The following CFAP74 variants were observed in gnomAD, a reference collection of about 807,000 sequenced individuals.
The protein encoded by CFAP74 is cilia and flagella associated protein 74.
A neutral mutation model predicts 188.9 loss-of-function variants in CFAP74; 124 were observed. That is an observed-to-expected ratio of 0.66 (90% CI 0.57 to 0.76). CFAP74 has a LOEUF of 0.76. CFAP74 is among the 30% of genes least tolerant of loss of function. CFAP74 has a pLI of 0.00. For synonymous variants in CFAP74, 956 were observed against 916.7 expected, an observed-to-expected ratio of 1.04 and a Z score of -0.77; for missense variants, 2,198 against 2,165.2, an observed-to-expected ratio of 1.02 and a Z score of -0.30.
intron 25 of CFAP74, among the ~76,000 whole-genome samples, 184 bp from the exon 26 acceptor site, chr1:1,930,520 A>C (rs1373805689): frequency 1.3e-5 from 2 of 152,186 alleles, no homozygotes; most frequent in Non-Finnish European, 2.9e-5. Flanking sequence ...ATCCTTGTGC[A>C]CATTTGAGGT....
At chr1:1,955,412 G>C in intron 18 of CFAP74, 1 of 1,439,354 alleles carries the variant, frequency 6.9e-7, no homozygotes. Flanking sequence ...CCTCTTCCCC[G>C]CCCTGTGCGG....
At chr1:1,992,002 T>C (rs1022794079) in intron 1 of CFAP74, among the ~76,000 whole-genome samples, 17 of 149,268 alleles carry the variant, frequency 1.1e-4, no homozygotes, top group South Asian at 8.4e-4. Flanking sequence ...ATCGCGCCAC[T>C]GCACTCCAGC....
In CFAP74 at chr1:1,973,097, T is replaced by C; in HGVS notation, c.675-50A>G. On this transcript the variant is annotated intron_variant, in intron 7 of 38. Transcript: ENST00000682832. This position sits in a 1 kb window ranked among gnomAD's most constrained non-coding sequence, Gnocchi z 6.2. ...GGGAAACTCGGCATCACACGTCCCA[T>C]CTGCCCCCAAGCCCTGCACGGCTGG... 7.3e-7 allele frequency: 1 copy of C among 1,372,884 alleles called. No individual in the cohort carries two copies. The highest frequency in any genetic ancestry group is 1.0e-6 in the Non-Finnish European group (1 of 974,648). 85.0% of individuals were successfully genotyped at this position (1,372,884 alleles called of 1,614,324 possible).
chr1:1,928,452 C>T (rs888889800), intron 27 of CFAP74, among the ~76,000 whole-genome samples: 3 of 152,196 alleles, frequency 2.0e-5, no homozygotes, highest in African/African-American at 7.2e-5. Flanking sequence ...CAGGACACTC[C>T]GTGTTTCAGG....
At chr1:1,940,469 A>C (rs1653291427) in intron 22 of CFAP74, 66 bp from the exon 23 acceptor site, 3 of 1,114,878 alleles carry the variant, frequency 2.7e-6, no homozygotes, top group Admixed American at 2.6e-5. Flanking sequence ...AATAAGACCC[A>C]CTGTCACTGG....
chr1:2,003,397 C>T lies in CFAP74; in HGVS notation c.-20+304G>A, dbSNP rs114293610. Among the ~76,000 whole-genome samples, 1,283 of 152,256 alleles carry T rather than the reference C, an allele frequency of 8.4e-3. 19 individuals are homozygous for T. The highest frequency in any genetic ancestry group is 0.029 in the African/African-American group (1,223 of 41,526). On this transcript the variant is annotated intron_variant, in intron 1 of 38. Coordinates refer to ENST00000682832, the MANE Select transcript of CFAP74 (RefSeq NM_001304360.2). The stretch of plus-strand genomic sequence containing the variant: ...TCCTTTTTAGCTAGGCAGACACTCA[C>T]GAGTCTTAACTGTTCACCAGACAGG...
intron 1 of CFAP74, among the ~76,000 whole-genome samples, chr1:1,993,212 A>G (rs1657698622): frequency 1.3e-5 from 2 of 151,884 alleles, no homozygotes; most frequent in African/African-American, 4.8e-5. Flanking sequence ...AAAAAAAAAA[A>G]AAAAAAGAAA....
At chr1:1,983,328 G>T (rs981589554) in intron 6 of CFAP74, among the ~76,000 whole-genome samples, 1 of 152,206 alleles carries the variant, frequency 6.6e-6, no homozygotes, top group African/African-American at 2.4e-5. Flanking sequence ...CACAAGCTAC[G>T]CATCAGTTTC....
At chr1:1,953,923 C>A (rs1219421080) in intron 18 of CFAP74, 1 of 152,198 alleles carries the variant, frequency 6.6e-6, no homozygotes, top group Non-Finnish European at 1.5e-5. Flanking sequence ...CAGCCACAGA[C>A]TCGGAGGCAG....
At chr1:1,967,449 G>A (rs1290002243) in intron 11 of CFAP74, among the ~76,000 whole-genome samples, 7 of 151,746 alleles carry the variant, frequency 4.6e-5, no homozygotes. Flanking sequence ...TGGGGGTGGG[G>A]GCAGGGGAGG....
intron 6 of CFAP74, among the ~76,000 whole-genome samples, chr1:1,983,181 A>C (rs1411467991): frequency 1.3e-5 from 2 of 152,184 alleles, no homozygotes; most frequent in African/African-American, 2.4e-5. Flanking sequence ...ACTAATAGGA[A>C]GGGATGGTGC....
rs527688006 is a variant in CFAP74 at position 2,002,202 on chromosome 1, C to T, written c.-20+1499G>A. Among the ~76,000 whole-genome samples the T allele has an allele frequency of 4.6e-5, 7 of 152,060 alleles. No homozygotes were observed. The South Asian group carries it at 1.2e-3, about 27-fold the overall frequency. ...AGGCAACTTACTCTCAAATCCTTCA[C>T]GAGAAGTTTTTTTGTGCTGAGCTTG... On this transcript the variant is annotated intron_variant, in intron 1 of 38. Transcript: ENST00000682832.
Position 1,923,569 on chromosome 1 carries a change from G to A in CFAP74, c.4390-70C>T, listed in dbSNP as rs1651568788. ...CAGGGGTCCTGCTGGTGAGAGCTGG[G>A]CTGGCTCAGGGAAGGAAGCAGGGAC... is the stretch of plus-strand genomic sequence containing the variant. On this transcript the variant is annotated intron_variant, in intron 35 of 38. Coordinates refer to ENST00000682832, the MANE Select transcript of CFAP74 (RefSeq NM_001304360.2). The surrounding 1 kb of genome is among the most constrained non-coding windows in gnomAD (Gnocchi z 6.3). 22 of 1,575,108 alleles carry A rather than the reference G, an allele frequency of 1.4e-5. 1 individual carries two copies. The South Asian group carries it at 2.3e-4, about 17-fold the overall frequency.
At chr1:1,996,549 AAT>A (rs1037066994) in intron 1 of CFAP74, among the ~76,000 whole-genome samples, 3 of 152,184 alleles carry the variant, frequency 2.0e-5, no homozygotes, top group African/African-American at 7.2e-5. Context: ...CATACGAAAA[AAT>A]AGAGAAAAAA....
intron 6 of CFAP74, chr1:1,984,059 A>G (rs1191831148): frequency 6.7e-6 from 1 of 150,016 alleles, no homozygotes; most frequent in Non-Finnish European, 1.5e-5. Context: ...CAGTGGCGCA[A>G]TCTTGGCTCA....
At chr1:1,969,107 T>G in intron 10 of CFAP74, among the ~76,000 whole-genome samples, 1 of 152,020 alleles carries the variant, frequency 6.6e-6, no homozygotes, top group Admixed American at 6.5e-5. Context: ...AAGCCAGAGG[T>G]TCCAGGCTTA....
intron 25 of CFAP74, among the ~76,000 whole-genome samples, chr1:1,937,107 T>C (rs1455980254): frequency 6.6e-6 from 1 of 152,174 alleles, no homozygotes; most frequent in Non-Finnish European, 1.5e-5. Context: ...ACTCCACGTG[T>C]GCCTCAGAGA....
At chr1:1,947,687 G>C (rs141100061) in intron 18 of CFAP74, among the ~76,000 whole-genome samples, 1 of 152,230 alleles carries the variant, frequency 6.6e-6, no homozygotes, top group African/African-American at 2.4e-5. Context: ...CGTGCTGCCC[G>C]GTCGGGTCAG....
At position 1,964,913 on chromosome 1, in the gene CFAP74, C is replaced by T; in HGVS notation, c.1550G>A (p.Ser517Asn). ...GREFQGRPFN[S>N]KPELLHFQDF... Reference sequence around the variant, plus strand: ...CTGGAAGTGGAGGAGCTCCGGTTTGCTGTTGAAGGGGCGTCCTTGGAACTC... The same window carrying T: ...CTGGAAGTGGAGGAGCTCCGGTTTGTTGTTGAAGGGGCGTCCTTGGAACTC... Residue 517 changes from serine (S) to asparagine (N), a missense_variant, in exon 13 of 39, where the codon AGC becomes AAC. Transcript: ENST00000682832. 6.2e-7 allele frequency: 1 copy of T among 1,613,830 alleles called. No individual in the cohort carries two copies. Among genetic ancestry groups the T allele is most frequent in the Admixed American group, 1.7e-5 (1 of 60,014 alleles).
Sources: gnomAD v4.1 joint callset for allele counts (sites outside exome capture counted in the v4.1 genomes callset) on GRCh38, gnomAD v4.1.1 for gene constraint, Gnocchi (gnomAD v3.1) non-coding constraint, MANE v1.5 for transcripts, NCBI Gene and HGNC (gene_info 2026-07-23, HGNC 2026-07-21) for gene names.